Variants in ACACA observed in about 807,000 individuals in gnomAD.
ACACA encodes acetyl-CoA carboxylase 1.
Under a neutral mutation model 296.1 loss-of-function variants are expected in ACACA, and 103 were observed. The observed-to-expected ratio is 0.35, with a 90% CI of 0.30 to 0.41. The LOEUF (loss-of-function observed/expected upper bound fraction) is 0.41, where lower values mean the gene tolerates loss of function less well. Among genes scored for constraint, ACACA ranks in the 10% least tolerant of loss-of-function variants. The probability of loss-of-function intolerance (pLI) is 1.00; values close to 1 mark genes in which losing one functional copy is unlikely to be tolerated. For missense variants in ACACA, 1,554 were observed against 2,989.7 expected (o/e 0.52, Z 11.20); for synonymous variants, 953 against 1,038.6 (o/e 0.92, Z 1.58).
chr17:37,284,422 C>T (rs1483559790), intron 4 of ACACA, among the ~76,000 whole-genome samples: 1 of 152,130 alleles, frequency 6.6e-6, no homozygotes, highest in Non-Finnish European at 1.5e-5. Flanking sequence ...GCAGCCCCAC[C>T]CTGTAAAACC....
Position 37,330,413 on chromosome 17 carries a change from T to C in ACACA, c.98A>G (p.His33Arg). ...TVRIIRAVRA[H>R]FGGIMDEPSP... ...TGGTTCATCCATTATTCCTCCAAAA[T>C]GAGCTCTTACAGCTATGGAGAAAAT... The change falls in exon 3 of 56, where the codon CAT (histidine) becomes CGT (arginine). Residue 33 changes from histidine to arginine, a missense_variant. Transcript: ENST00000616317. 1.2e-6 allele frequency: 2 copies of C among 1,614,164 alleles called. No individual in the cohort carries two copies. Among genetic ancestry groups the C allele is most frequent in the African/African-American group, 1.3e-5 (1 of 75,044 alleles).
chr17:37,205,939 T>C (rs1039613217), intron 32 of ACACA, 67 bp from the exon 33 acceptor site: 11 of 1,301,292 alleles, frequency 8.5e-6, no homozygotes, highest in African/African-American at 1.5e-5. Context: ...ATAGAAGTTA[T>C]AATATTTGGT....
At chr17:37,376,078 T>C (rs374670469) in intron 1 of ACACA, 31 of 1,607,838 alleles carry the variant, frequency 1.9e-5, no homozygotes, top group Admixed American at 5.0e-5. Flanking sequence ...GCAATGAGCA[T>C]GTGCTCAAGC....
intron 3 of ACACA, chr17:37,299,343 GA>G (rs1414839921): frequency 1.9e-6 from 3 of 1,613,660 alleles, no homozygotes; most frequent in Non-Finnish European, 1.7e-6. Flanking sequence ...ATCAAGATGG[GA>G]AAAGAATGGA....
intron 54 of ACACA, among the ~76,000 whole-genome samples, chr17:37,091,387 C>T (rs993136768): frequency 2.0e-5 from 3 of 152,222 alleles, no homozygotes; most frequent in Admixed American, 6.5e-5. Flanking sequence ...CAGTGGATTA[C>T]AGCCTAGAGT....
chr17:37,256,855 T>A (rs979268610), intron 14 of ACACA, among the ~76,000 whole-genome samples: 2 of 152,186 alleles, frequency 1.3e-5, no homozygotes, highest in Non-Finnish European at 2.9e-5. Context: ...TAGTAATTAA[T>A]ACTAATAAAC....
intron 1 of ACACA, among the ~76,000 whole-genome samples, chr17:37,401,306 C>T (rs577066715): frequency 2.5e-4 from 38 of 151,160 alleles, no homozygotes; most frequent in African/African-American, 9.0e-4. Context: ...GATTCTCCTG[C>T]CTCAGCCTCC....
rs112966900 is a variant in ACACA, at chr17:37,130,213, G to A, written c.5685C>T (p.Leu1895=). Residue 1895 remains leucine (L), a synonymous_variant, in exon 46 of 56, where the codon CTC becomes CTT. Transcript: ENST00000616317. ...TATTGGAGGTGTACACTTCCCGCCCGAGGACCTAGAGAAAAGAGCAAGAGA... is the reference window on the plus strand; with the variant it reads ...TATTGGAGGTGTACACTTCCCGCCCAAGGACCTAGAGAAAAGAGCAAGAGA... ...LTGAGALNKV[L]GREVYTSNNQ... is the part of the protein sequence containing the mutation. 107 of 1,614,164 alleles carry A rather than the reference G, an allele frequency of 6.6e-5. No homozygotes were observed. The Middle Eastern group carries it at 9.9e-4, about 15-fold the overall frequency.
chr17:37,167,119 ATT>A (rs11290127), intron 41 of ACACA, among the ~76,000 whole-genome samples: 8 of 101,340 alleles, frequency 7.9e-5, no homozygotes, highest in Non-Finnish European at 1.2e-4. Flanking sequence ...TAATTTTTGC[ATT>A]TTTTTTTTTT....
chr17:37,167,442 C>G (rs2076721020), intron 41 of ACACA, among the ~76,000 whole-genome samples: 1 of 150,854 alleles, frequency 6.6e-6, no homozygotes, highest in African/African-American at 2.4e-5. Flanking sequence ...CCTCAGCCTC[C>G]CAAGTAACTA....
At chr17:37,094,582 C>A (rs569002596) in intron 54 of ACACA, among the ~76,000 whole-genome samples, 28 of 148,784 alleles carry the variant, frequency 1.9e-4, no homozygotes, top group Admixed American at 8.0e-4. Flanking sequence ...ACCCCCCCCC[C>A]CCCACACCAA....
At chr17:37,251,405 A>G (rs1342782669) in intron 16 of ACACA, among the ~76,000 whole-genome samples, 1 of 152,216 alleles carries the variant, frequency 6.6e-6, no homozygotes, top group Non-Finnish European at 1.5e-5. Context: ...AGATACCTCA[A>G]AAGGGAGTTG....
chr17:37,241,633 G>A (rs1022398850), intron 23 of ACACA, among the ~76,000 whole-genome samples: 2 of 152,172 alleles, frequency 1.3e-5, no homozygotes, highest in African/African-American at 4.8e-5. Context: ...CTGAGCCTCA[G>A]GAGGTTGAGG....
chr17:37,374,035 T>C (rs977434836), intron 1 of ACACA, among the ~76,000 whole-genome samples: 1 of 152,204 alleles, frequency 6.6e-6, no homozygotes, highest in African/African-American at 2.4e-5. Flanking sequence ...CTCATTTCTC[T>C]GCTTTCTTTC....
intron 1 of ACACA, chr17:37,365,582 G>A (rs2049578459): frequency 3.0e-6 from 3 of 985,406 alleles, no homozygotes; most frequent in South Asian, 4.7e-5. Context: ...CCACAACTGT[G>A]GCTCCAGTTG....
intron 1 of ACACA, among the ~76,000 whole-genome samples, chr17:37,404,051 G>A (rs1327079508): frequency 1.3e-5 from 2 of 152,192 alleles, no homozygotes; most frequent in Non-Finnish European, 2.9e-5. Flanking sequence ...GGGATTACAG[G>A]AATGAGCCAC....
intron 41 of ACACA, among the ~76,000 whole-genome samples, chr17:37,175,623 C>A (rs971928127): frequency 1.3e-5 from 2 of 152,176 alleles, no homozygotes; most frequent in Non-Finnish European, 2.9e-5. Flanking sequence ...GTCTATGCTG[C>A]AATCACATTT....
intron 3 of ACACA, among the ~76,000 whole-genome samples, chr17:37,320,842 G>A (rs978409460): frequency 1.3e-5 from 2 of 151,528 alleles, no homozygotes; most frequent in Non-Finnish European, 2.9e-5. Flanking sequence ...AGCTACTTGG[G>A]AGGCTGAGGC....
At chr17:37,329,414 C>T (rs982453257) in intron 3 of ACACA, among the ~76,000 whole-genome samples, 2 of 152,000 alleles carry the variant, frequency 1.3e-5, no homozygotes, top group South Asian at 4.1e-4. Flanking sequence ...CTGAGGCAGG[C>T]GGATCACTTG....
Sources: gnomAD v4.1 joint callset for allele counts (sites outside exome capture counted in the v4.1 genomes callset) on GRCh38, gnomAD v4.1.1 for gene constraint, MANE v1.5 for transcripts, NCBI Gene and HGNC (gene_info 2026-07-23, HGNC 2026-07-21) for gene names.